Variants in EPHA5 observed in about 807,000 individuals in gnomAD.
EPHA5 encodes ephrin type-A receptor 5.
In EPHA5, 60 loss-of-function variants were observed where a neutral mutation model predicts 105.0. The ratio of observed to expected loss-of-function variants is 0.57; its 90% CI spans 0.46 to 0.71. EPHA5 has a LOEUF of 0.71. Among genes scored for constraint, EPHA5 ranks in the 30% least tolerant of loss-of-function variants. The pLI is 0.00. For missense variants in EPHA5, 1,218 were observed against 1,274.7 expected, an observed-to-expected ratio of 0.96 and a Z score of 0.68; for synonymous variants, 513 against 449.1, an observed-to-expected ratio of 1.14 and a Z score of -1.80.
At chr4:65,645,770 T>G in intron 1 of EPHA5, among the ~76,000 whole-genome samples, 1 of 152,100 alleles carries the variant, frequency 6.6e-6, no homozygotes, top group East Asian at 1.9e-4. Flanking sequence ...TCTATAATCT[T>G]ACAGTGATAT....
chr4:65,402,737 C>T (rs1721969643), intron 8 of EPHA5, among the ~76,000 whole-genome samples: 1 of 152,148 alleles, frequency 6.6e-6, no homozygotes, highest in African/African-American at 2.4e-5. Flanking sequence ...AAAGAAATGG[C>T]ATTACAAACC....
chr4:65,465,397 G>A lies in EPHA5; in HGVS notation c.1402+24980C>T, dbSNP rs527371408. Among the ~76,000 whole-genome samples, 5 of 148,126 alleles carry A rather than the reference G, an allele frequency of 3.4e-5. No homozygotes were observed. In the South Asian group the frequency reaches 1.1e-3, roughly 31 times the overall value. ...GCCGAGATCGTGCCATTGCACTCCA[G>A]CCTGGGCAACAGGGTGAGACTCCAT... On this transcript the variant is annotated intron_variant, in intron 5 of 16. Transcript: ENST00000613740.
intron 1 of EPHA5, among the ~76,000 whole-genome samples, chr4:65,664,805 A>G (rs1749829893): frequency 6.6e-6 from 1 of 151,912 alleles, no homozygotes; most frequent in Non-Finnish European, 1.5e-5. Flanking sequence ...TTTTATAATC[A>G]CAATTCACTC....
intron 3 of EPHA5, among the ~76,000 whole-genome samples, chr4:65,590,628 C>T (rs987132057): frequency 6.6e-6 from 1 of 152,104 alleles, no homozygotes; most frequent in Non-Finnish European, 1.5e-5. Context: ...GCATACTTTT[C>T]TATGAGTAGC....
intron 5 of EPHA5, among the ~76,000 whole-genome samples, chr4:65,427,928 A>G (rs1227607268): frequency 2.0e-5 from 3 of 152,150 alleles, no homozygotes; most frequent in Non-Finnish European, 4.4e-5. Flanking sequence ...TCATGTAACA[A>G]TTTAACTGCC....
At chr4:65,338,343 TA>T (rs747966117) in intron 14 of EPHA5, among the ~76,000 whole-genome samples, 2 of 152,150 alleles carry the variant, frequency 1.3e-5, no homozygotes, top group Non-Finnish European at 2.9e-5. Context: ...ATAAATGGCT[TA>T]AGTCATGTAA....
chr4:65,603,213 C>A (rs774755841), intron 2 of EPHA5, among the ~76,000 whole-genome samples: 1 of 152,038 alleles, frequency 6.6e-6, no homozygotes, highest in African/African-American at 2.4e-5. Context: ...CTAAACCTAT[C>A]TCTTTCCTAA....
chr4:65,371,963 C>T (rs919565464), intron 8 of EPHA5, among the ~76,000 whole-genome samples: 5 of 151,920 alleles, frequency 3.3e-5, no homozygotes, highest in African/African-American at 1.2e-4. Flanking sequence ...TTAAGAGACG[C>T]TTTTCCTATA....
At position 65,470,962 on chromosome 4, in the gene EPHA5, A is replaced by T. The variant is rs1310302095; in HGVS notation, c.1402+19415T>A. On this transcript the variant is annotated intron_variant, in intron 5 of 16. Transcript: ENST00000613740. ...TTTTGGCAAATCCCAGCAGCCATAC[A>T]CTGCTGTATTCAAACTGTGTTCAAA... 2.6e-5 allele frequency among the ~76,000 whole-genome samples: 4 copies of T among 152,188 alleles called. No homozygotes were observed. The East Asian group carries it at 7.7e-4, about 29-fold the overall frequency.
intron 3 of EPHA5, among the ~76,000 whole-genome samples, chr4:65,575,142 A>G (rs1185522901): frequency 6.6e-6 from 1 of 152,056 alleles, no homozygotes; most frequent in Non-Finnish European, 1.5e-5. Context: ...GAAAGAATAG[A>G]CAAACTGGAA....
intron 16 of EPHA5, chr4:65,331,754 C>T: frequency 8.2e-7 from 1 of 1,225,932 alleles, no homozygotes; most frequent in East Asian, 3.3e-5. Flanking sequence ...TTCAAGTATG[C>T]CAATGTTATT....
At chr4:65,544,598 G>A (rs1036063696) in intron 3 of EPHA5, among the ~76,000 whole-genome samples, 23 of 151,994 alleles carry the variant, frequency 1.5e-4, no homozygotes, top group African/African-American at 5.3e-4. Context: ...CATGGCTATG[G>A]AGAAATAGCG....
chr4:65,436,272 G>A (rs1725473176), intron 5 of EPHA5, among the ~76,000 whole-genome samples: 1 of 151,870 alleles, frequency 6.6e-6, no homozygotes, highest in Non-Finnish European at 1.5e-5. Context: ...TCTTAAGACA[G>A]TATTTAACAC....
At chr4:65,628,019 G>A (rs767079071) in intron 2 of EPHA5, among the ~76,000 whole-genome samples, 45 of 151,992 alleles carry the variant, frequency 3.0e-4, no homozygotes, top group Non-Finnish European at 6.2e-4. Flanking sequence ...ATGGACTCAA[G>A]TTGTCAGTAT....
At chr4:65,592,144 T>C (rs1211504170) in intron 3 of EPHA5, among the ~76,000 whole-genome samples, 1 of 152,130 alleles carries the variant, frequency 6.6e-6, no homozygotes, top group African/African-American at 2.4e-5. Flanking sequence ...AACCTGAAAA[T>C]GCTTCAGGTA....
rs138474519 is a variant in EPHA5 at position 65,669,810 on chromosome 4, G to C, written c.-68C>G. 8.1e-7 allele frequency: 1 copy of C among 1,233,916 alleles called. No homozygotes were observed. Among genetic ancestry groups the C allele is most frequent in the Non-Finnish European group, 1.0e-6 (1 of 989,078 alleles). 76.4% of individuals were successfully genotyped at this position (1,233,916 alleles called of 1,614,324 possible). On this transcript the variant is annotated 5_prime_UTR_variant, in exon 1 of 17. Coordinates refer to ENST00000613740, the MANE Select transcript of EPHA5 (RefSeq NM_001281766.3). ...GTCCACCGCTTCGGCCTCGCAGAGC[G>C]GCGAAGGGAGACTCGGGAGTCCTCC...
intron 5 of EPHA5, among the ~76,000 whole-genome samples, chr4:65,426,400 A>C (rs544954864): frequency 6.6e-6 from 1 of 152,314 alleles, no homozygotes; most frequent in African/African-American, 2.4e-5. Context: ...TCATATTTTC[A>C]GAATTAACTT....
intron 3 of EPHA5, chr4:65,574,446 C>T (rs1275999419): frequency 2.7e-6 from 1 of 371,780 alleles, no homozygotes; most frequent in Non-Finnish European, 4.4e-6. Context: ...TCTTGAGGCT[C>T]TACATTAAGA....
At chr4:65,661,657 G>GAAGCTTTGGGTGA (rs575974792) in intron 1 of EPHA5, among the ~76,000 whole-genome samples, 6 of 152,190 alleles carry the variant, frequency 3.9e-5, no homozygotes, top group Admixed American at 3.9e-4. Flanking sequence ...AGCTTTGGGT[G>GAAGCTTTGGGTGA]AAGCTTTGGG....
Sources: gnomAD v4.1 joint callset for allele counts (sites outside exome capture counted in the v4.1 genomes callset) on GRCh38, gnomAD v4.1.1 for gene constraint, MANE v1.5 for transcripts, NCBI Gene and HGNC (gene_info 2026-07-23, HGNC 2026-07-21) for gene names.